DNAJB4: variants seen among roughly 807,000 people sequenced by gnomAD.
DNAJB4 encodes the protein DnaJ heat shock protein family (Hsp40) member B4.
Under a neutral mutation model 26.6 loss-of-function variants are expected in DNAJB4, and 10 were observed. The observed-to-expected ratio is 0.38, with a 90% CI of 0.23 to 0.64. DNAJB4 has a LOEUF of 0.64. DNAJB4 is among the 30% of genes least tolerant of loss of function. The probability of loss-of-function intolerance (pLI) is 0.58; values close to 1 mark genes in which losing one functional copy is unlikely to be tolerated. For missense variants in DNAJB4, 328 were observed against 408.2 expected, an observed-to-expected ratio of 0.80 and a Z score of 1.69; for synonymous variants, 136 against 134.8, an observed-to-expected ratio of 1.01 and a Z score of -0.06.
upstream of DNAJB4, among the ~76,000 whole-genome samples, chr1:78,001,978 T>G (rs1030195654): frequency 6.6e-6 from 1 of 152,246 alleles, no homozygotes; most frequent in African/African-American, 2.4e-5. Context: ...AGGGAAAAAA[T>G]GTATGTCAGT....
Position 78,006,318 on chromosome 1 carries a change from T to C in DNAJB4, c.211+997T>C, listed in dbSNP as rs756128485. Reference sequence around the variant, plus strand: ...TGCTAATTGATAACACAAAAAACTTTAACTTGTACTGTTTTGGGGATTTTC... The same window carrying C: ...TGCTAATTGATAACACAAAAAACTTCAACTTGTACTGTTTTGGGGATTTTC... On this transcript the variant is annotated intron_variant, in intron 1 of 2. Transcript: ENST00000370763. Among the ~76,000 whole-genome samples the C allele has an allele frequency of 2.0e-5, 3 of 152,222 alleles. No individual in the cohort carries two copies. The South Asian group carries it at 6.2e-4, about 31-fold the overall frequency.
intron 1 of DNAJB4, among the ~76,000 whole-genome samples, chr1:78,012,159 CTTTTTTTT>C (rs1270987929): frequency 1.1e-5 from 1 of 88,792 alleles, no homozygotes; most frequent in Admixed American, 1.8e-4. Context: ...CTTTTCTTTT[CTTTTTTTT>C]TTTTTTTTTT....
intron 2 of DNAJB4, among the ~76,000 whole-genome samples, chr1:78,014,491 A>G (rs552346315): frequency 7.9e-5 from 12 of 152,300 alleles, no homozygotes; most frequent in East Asian, 3.9e-4. Context: ...AAATTGCTCT[A>G]TATAACCTCT....
Position 77,983,894 on chromosome 1 carries a change from G to A in DNAJB4, c.-32+3572G>A, listed in dbSNP as rs114802346. ...ACCACTGAAATACACAAGTGTACAA[G>A]CTCTGGCCGACTTTTGCTTATTTTT... On this transcript the variant is annotated intron_variant, in intron 1 of 2. Transcript: ENST00000426517. Among the ~76,000 whole-genome samples, 160 of 152,264 alleles carry A rather than the reference G, an allele frequency of 1.1e-3. 1 individual carries two copies. The highest frequency in any genetic ancestry group is 1.7e-3 in the Non-Finnish European group (116 of 68,030).
intron 2 of DNAJB4, among the ~76,000 whole-genome samples, chr1:78,014,826 C>T (rs539525540): frequency 6.6e-6 from 1 of 152,102 alleles, no homozygotes; most frequent in African/African-American, 2.4e-5. Flanking sequence ...GTCTTGAACT[C>T]TTGACCTCAA....
intron 1 of DNAJB4, among the ~76,000 whole-genome samples, chr1:77,991,271 T>C (rs1208949645): frequency 6.6e-6 from 1 of 152,172 alleles, no homozygotes. Context: ...TTTAACTGAT[T>C]ATGGTTAATG....
chr1:77,980,528 T>C lies in DNAJB4; in HGVS notation c.-32+206T>C, dbSNP rs549868074. 1.7e-4 allele frequency among the ~76,000 whole-genome samples: 26 copies of C among 152,284 alleles called. 1 individual carries two copies. The East Asian group carries it at 1.7e-3, about 10-fold the overall frequency. ...ACTTTAGAAGTCTTACTCTTTATTA[T>C]TGAGTATATCACAGTGACTTTTTTT... is the stretch of plus-strand genomic sequence containing the variant. On this transcript the variant is annotated intron_variant, in intron 1 of 2. Coordinates refer to the DNAJB4 transcript ENST00000426517.
At chr1:77,983,183 A>G (rs578020146) in intron 1 of DNAJB4, among the ~76,000 whole-genome samples, 1 of 152,380 alleles carries the variant, frequency 6.6e-6, no homozygotes, top group African/African-American at 2.4e-5. Context: ...CTGTGCATTT[A>G]GATATGCATA....
Position 78,016,158 on chromosome 1 carries a change from G to A in DNAJB4, c.925G>A (p.Asp309Asn). ...TCCAAAAAATCCTGACCAACGTGGT[G>A]ACCTTCTAATAGAATTTGAGGTGTC... Reference protein sequence around the residue: ...PFPKNPDQRGDLLIEFEVSFP... With the variant: ...PFPKNPDQRGNLLIEFEVSFP... The change falls in exon 3 of 3, where the codon GAC (aspartate) becomes AAC (asparagine). Residue 309 changes from aspartate (D) to asparagine (N), a missense_variant. Physicochemically the swap from Asp to Asn is conservative, Grantham distance 23 (BLOSUM62 1). Transcript: ENST00000370763. 1 of 1,614,100 alleles carries A rather than the reference G, an allele frequency of 6.2e-7. No homozygotes were observed. Among genetic ancestry groups the A allele is most frequent in the South Asian group, 1.1e-5 (1 of 91,070 alleles).
At chr1:77,982,984 G>T (rs928553201) in intron 1 of DNAJB4, among the ~76,000 whole-genome samples, 32 of 152,282 alleles carry the variant, frequency 2.1e-4, no homozygotes, top group African/African-American at 7.5e-4. Context: ...CAAAGACAAA[G>T]TATGCTGAAC....
In DNAJB4 at chr1:78,013,094, CT is replaced by C; in HGVS notation, c.257del (p.Phe86SerfsTer42). On this transcript the variant is annotated frameshift_variant, in exon 2 of 3. Coordinates refer to ENST00000370763, the MANE Select transcript of DNAJB4 (RefSeq NM_007034.5). LOFTEE classifies it high-confidence loss of function. ...AGGTDGQGGT[F>X]RYTFHGDPHA... is the part of the protein sequence containing the mutation. ...GAGGTACTGATGGACAAGGAGGTAC[CT>C]TCCGGTACACCTTTCATGGCGATCC... is the stretch of plus-strand genomic sequence containing the variant. 1 of 1,613,604 alleles carries C rather than the reference CT, an allele frequency of 6.2e-7. No homozygotes were observed.
At chr1:77,995,023 A>C (rs974475873) in intron 1 of DNAJB4, among the ~76,000 whole-genome samples, 4 of 152,198 alleles carry the variant, frequency 2.6e-5, no homozygotes, top group Admixed American at 6.5e-5. Context: ...CTAGATCTGC[A>C]CTGTCCAACA....
At chr1:77,997,550 C>T (rs1210761259) in intron 1 of DNAJB4, among the ~76,000 whole-genome samples, 1 of 151,938 alleles carries the variant, frequency 6.6e-6, no homozygotes. Context: ...TATTTTCTGC[C>T]AGCTTCCCAG....
intron 1 of DNAJB4, among the ~76,000 whole-genome samples, chr1:77,987,925 C>CAT (rs1177014513): frequency 2.0e-5 from 3 of 146,614 alleles, no homozygotes; most frequent in Non-Finnish European, 4.5e-5. Flanking sequence ...TATATATGTA[C>CAT]ATATATATAC....
Position 78,016,547 on chromosome 1 carries a change from C to G in DNAJB4, c.*300C>G, listed in dbSNP as rs2102618289. On this transcript the variant is annotated 3_prime_UTR_variant, in exon 3 of 3. Transcript: ENST00000370763. ...CAGTGGATATATTTCTAATGAAGTG[C>G]TAGACTATCCAATTACTTAATTTCT... 1 of 288,252 alleles carries G rather than the reference C, an allele frequency of 3.5e-6. No homozygotes were observed. The highest frequency in any genetic ancestry group is 6.4e-6 in the Non-Finnish European group (1 of 155,710). The allele number at this position is 288,252 out of a possible 1,614,324, so 17.9% of individuals were successfully genotyped here. A position where few individuals can be genotyped will look rare whatever the true frequency, so the allele number is the denominator to read the frequency against.
chr1:77,992,117 G>C (rs551050092), intron 1 of DNAJB4, among the ~76,000 whole-genome samples: 1 of 152,054 alleles, frequency 6.6e-6, no homozygotes, highest in African/African-American at 2.4e-5. Context: ...GGGTTTTATA[G>C]AACATAACAA....
intron 1 of DNAJB4, among the ~76,000 whole-genome samples, chr1:77,981,038 A>G (rs1419718775): frequency 1.3e-5 from 2 of 152,190 alleles, no homozygotes; most frequent in Non-Finnish European, 2.9e-5. Flanking sequence ...TAATTAGGCA[A>G]TACAATCAGA....
intron 1 of DNAJB4, among the ~76,000 whole-genome samples, chr1:77,993,584 G>T (rs1659988923): frequency 6.6e-6 from 1 of 152,052 alleles, no homozygotes; most frequent in South Asian, 2.1e-4. Flanking sequence ...CTAAGGTGCT[G>T]GGATATAGGC....
intron 1 of DNAJB4, among the ~76,000 whole-genome samples, chr1:77,999,766 T>G (rs550672036): frequency 1.3e-5 from 2 of 152,342 alleles, no homozygotes; most frequent in South Asian, 4.1e-4. Flanking sequence ...ATTTAAATGA[T>G]TCATCTAAGT....
Sources: allele counts gnomAD v4.1 joint callset (sites outside exome capture counted in the v4.1 genomes callset), GRCh38; gene constraint gnomAD v4.1.1; transcripts MANE v1.5; gene names NCBI Gene and HGNC (gene_info 2026-07-23, HGNC 2026-07-21).